Variants in IQCH observed in about 807,000 individuals in gnomAD.
The protein encoded by IQCH is IQ motif containing H.
In IQCH, 98 loss-of-function variants were observed where a neutral mutation model predicts 117.0. The observed-to-expected ratio is 0.84, with a 90% CI of 0.71 to 0.99. The LOEUF is 0.99. Among genes scored for constraint, IQCH ranks in the 50% least tolerant of loss-of-function variants. The probability of loss-of-function intolerance (pLI) is 0.00; values close to 1 mark genes in which losing one functional copy is unlikely to be tolerated. For synonymous variants in IQCH, 412 were observed against 448.2 expected, an observed-to-expected ratio of 0.92 and a Z score of 1.02; for missense variants, 1,102 against 1,243.8, an observed-to-expected ratio of 0.89 and a Z score of 1.72.
At position 67,388,526 on chromosome 15, in the gene IQCH, G is replaced by T. The variant is rs1385022425; in HGVS notation, c.1457-305G>T. On this transcript the variant is annotated intron_variant, in intron 11 of 20. Transcript: ENST00000335894. The surrounding 1 kb of genome is among the most constrained non-coding windows in gnomAD (Gnocchi z 5.5). ...ATTCCCATTGATGTTAATGGGAGTTGTGTGGCTAAATCCCTATGTATTATT... is the reference window on the plus strand; with the variant it reads ...ATTCCCATTGATGTTAATGGGAGTTTTGTGGCTAAATCCCTATGTATTATT... 6.6e-6 allele frequency among the ~76,000 whole-genome samples: 1 copy of T among 152,176 alleles called. No individual in the cohort carries two copies. Among genetic ancestry groups the T allele is most frequent in the Non-Finnish European group, 1.5e-5 (1 of 68,020 alleles).
Position 67,416,489 on chromosome 15 carries a change from C to T in IQCH, c.2098-442C>T, listed in dbSNP as rs1268786006. Among the ~76,000 whole-genome samples, 5 of 151,680 alleles carry T rather than the reference C, an allele frequency of 3.3e-5. No homozygotes were observed. The highest frequency in any genetic ancestry group is 3.3e-4 in the Admixed American group (5 of 15,234). On this transcript the variant is annotated intron_variant, in intron 14 of 20. Coordinates refer to ENST00000335894, the MANE Select transcript of IQCH (RefSeq NM_001031715.3). The surrounding 1 kb of genome is among the most constrained non-coding windows in gnomAD (Gnocchi z 5.1). The stretch of plus-strand genomic sequence containing the variant: ...CCAAGATCACGCCATTGCACTCCAG[C>T]CTGGGCAACAAGAGCAAAACTGCGT...
intron 14 of IQCH, among the ~76,000 whole-genome samples, chr15:67,400,992 A>C (rs1410171420): frequency 3.9e-5 from 6 of 152,290 alleles, no homozygotes; most frequent in Admixed American, 3.3e-4. Context: ...ATGAGATAGA[A>C]ATTCTATTAG....
intron 10 of IQCH, among the ~76,000 whole-genome samples, chr15:67,380,409 A>G (rs1970887022): frequency 6.6e-6 from 1 of 152,326 alleles, no homozygotes; most frequent in African/African-American, 2.4e-5. Flanking sequence ...TTTTATTTTA[A>G]TCTAACTGGC....
At chr15:67,331,500 C>G (rs1968665678) in intron 4 of IQCH, among the ~76,000 whole-genome samples, 1 of 152,004 alleles carries the variant, frequency 6.6e-6, no homozygotes, top group South Asian at 2.1e-4. Context: ...TATTAAAATA[C>G]TGACATAGAG....
chr15:67,306,710 T>TCTC, intron 4 of IQCH: 1 of 748,126 alleles, frequency 1.3e-6, no homozygotes, highest in Non-Finnish European at 2.3e-6. Flanking sequence ...ATCCTGTGAC[T>TCTC]CTGTTATGTA....
At chr15:67,291,830 T>C (rs1173204571) in intron 4 of IQCH, among the ~76,000 whole-genome samples, 1 of 152,202 alleles carries the variant, frequency 6.6e-6, no homozygotes, top group Non-Finnish European at 1.5e-5. Flanking sequence ...CATTAGAATG[T>C]AAGCTCCATG....
chr15:67,451,927 A>G (rs1346937535), intron 16 of IQCH, among the ~76,000 whole-genome samples: 24 of 152,156 alleles, frequency 1.6e-4, no homozygotes, highest in African/African-American at 2.4e-5. Context: ...GTGCATATAT[A>G]TTTAGGATAG....
At chr15:67,337,959 C>T (rs1006633912) in intron 5 of IQCH, among the ~76,000 whole-genome samples, 15 of 152,144 alleles carry the variant, frequency 9.9e-5, no homozygotes, top group African/African-American at 3.6e-4. Flanking sequence ...TGGTAGATAA[C>T]CTGAGATCAT....
intron 4 of IQCH, among the ~76,000 whole-genome samples, chr15:67,321,412 G>T (rs1968112467): frequency 6.6e-6 from 1 of 151,786 alleles, no homozygotes; most frequent in Admixed American, 6.6e-5. Context: ...TCCCATGTAT[G>T]CCTTTTCTTC....
intron 4 of IQCH, among the ~76,000 whole-genome samples, chr15:67,331,164 A>G (rs1357187652): frequency 1.3e-5 from 2 of 152,168 alleles, no homozygotes; most frequent in Non-Finnish European, 2.9e-5. Flanking sequence ...CCAAGTCAGT[A>G]TTTCACCCAC....
chr15:67,323,690 T>C lies in IQCH; in HGVS notation c.388-13285T>C, dbSNP rs371620603. 1.8e-3 allele frequency among the ~76,000 whole-genome samples: 274 copies of C among 152,268 alleles called. 4 individuals carry two copies. The highest frequency in any genetic ancestry group is 6.4e-3 in the African/African-American group (268 of 41,558). ...ACCAGAGTTTCTTTGGAGTTAATAT[T>C]GCACCAGTTCACATAAAATGTAAGG... is the stretch of plus-strand genomic sequence containing the variant. On this transcript the variant is annotated intron_variant, in intron 4 of 20. Coordinates refer to ENST00000335894, the MANE Select transcript of IQCH (RefSeq NM_001031715.3).
chr15:67,346,311 A>ACC lies in IQCH; in HGVS notation c.637+2128_637+2129dup, dbSNP rs557357625. ...CTCACAATAATCAATAGAACTAGTA[A>ACC]CCCCCCCCCAAAAAAATACTATAGA... On this transcript the variant is annotated intron_variant, in intron 6 of 20. Transcript: ENST00000335894. 5.1e-3 allele frequency among the ~76,000 whole-genome samples: 756 copies of ACC among 148,864 alleles called. 5 individuals carry two copies. The highest frequency in any genetic ancestry group is 0.017 in the African/African-American group (681 of 40,378).
chr15:67,268,480 C>T (rs1965767208), intron 3 of IQCH, among the ~76,000 whole-genome samples: 1 of 152,114 alleles, frequency 6.6e-6, no homozygotes, highest in African/African-American at 2.4e-5. Context: ...TCTTAATGAC[C>T]ATGATTTGCT....
At chr15:67,362,428 C>T (rs188248078) in intron 8 of IQCH, among the ~76,000 whole-genome samples, 9 of 152,110 alleles carry the variant, frequency 5.9e-5, no homozygotes, top group Admixed American at 4.6e-4. Flanking sequence ...AATTTGGGGT[C>T]TCACTTCTCT....
In IQCH at chr15:67,479,484, G is replaced by C. The variant is rs2083291259; in HGVS notation, c.2799+3666G>C. Among the ~76,000 whole-genome samples the C allele has an allele frequency of 6.6e-6, 1 of 152,104 alleles. No individual in the cohort carries two copies. Among genetic ancestry groups the C allele is most frequent in the Non-Finnish European group, 1.5e-5 (1 of 68,030 alleles). On this transcript the variant is annotated intron_variant, in intron 18 of 20. Transcript: ENST00000335894. This position sits in a 1 kb window ranked among gnomAD's most constrained non-coding sequence, Gnocchi z 4.6. ...TACCAACCCAGTCAAGAAGAATTCT[G>C]GAATCCATTTCCAATATATCCCCTC...
rs1400128235 is a variant in IQCH at position 67,342,907 on chromosome 15, T to G, written c.509-1156T>G. On this transcript the variant is annotated intron_variant, in intron 5 of 20. Transcript: ENST00000335894. The surrounding 1 kb of genome is among the most constrained non-coding windows in gnomAD (Gnocchi z 4.7). ...ATTCCCAGGCCCTGTCCTCAGAAGT[T>G]TGGACAGGTTGAGTTGGGGCCCAGG... Among the ~76,000 whole-genome samples the G allele has an allele frequency of 6.6e-6, 1 of 152,100 alleles. No homozygotes were observed. The highest frequency in any genetic ancestry group is 2.4e-5 in the African/African-American group (1 of 41,424).
chr15:67,342,575 A>C lies in IQCH; in HGVS notation c.509-1488A>C, dbSNP rs150860801. ...AATTATAAGGAGACCTGTTTTTCAC[A>C]TCTGCAAAACAGAGTTCTTGGAAAT... On this transcript the variant is annotated intron_variant, in intron 5 of 20. Transcript: ENST00000335894. This position sits in a 1 kb window ranked among gnomAD's most constrained non-coding sequence, Gnocchi z 4.7. 6.6e-6 allele frequency among the ~76,000 whole-genome samples: 1 copy of C among 152,286 alleles called. No homozygotes were observed. Among genetic ancestry groups the C allele is most frequent in the East Asian group, 1.9e-4 (1 of 5,190 alleles).
rs972021091 is a variant in IQCH at position 67,413,293 on chromosome 15, C to A, written c.2098-3638C>A. 6.6e-6 allele frequency among the ~76,000 whole-genome samples: 1 copy of A among 152,124 alleles called. No individual in the cohort carries two copies. The highest frequency in any genetic ancestry group is 2.4e-5 in the African/African-American group (1 of 41,414). On this transcript the variant is annotated intron_variant, in intron 14 of 20. Coordinates refer to ENST00000335894, the MANE Select transcript of IQCH (RefSeq NM_001031715.3). This position sits in a 1 kb window ranked among gnomAD's most constrained non-coding sequence, Gnocchi z 5.0. ...GATAGACCCATTGTGGCTGTTGGGA[C>A]CTTGTTGCTTCTTGGGAAAACAGTG...
chr15:67,333,362 A>C (rs1011532893), intron 4 of IQCH, among the ~76,000 whole-genome samples: 2 of 152,250 alleles, frequency 1.3e-5, no homozygotes, highest in Non-Finnish European at 2.9e-5. Flanking sequence ...CAGCCCTTGC[A>C]GAGGAATCAT....
Sources: allele counts gnomAD v4.1 joint callset (sites outside exome capture counted in the v4.1 genomes callset), GRCh38; gene constraint gnomAD v4.1.1; non-coding constraint Gnocchi (gnomAD v3.1); transcripts MANE v1.5; gene names NCBI Gene and HGNC (gene_info 2026-07-23, HGNC 2026-07-21).